The following VPS13B variants were observed in gnomAD, a reference collection of about 807,000 sequenced individuals.
The protein encoded by VPS13B is intermembrane lipid transfer protein VPS13B.
Under a neutral mutation model 426.4 loss-of-function variants are expected in VPS13B, and 285 were observed. The observed-to-expected ratio is 0.67, with a 90% CI of 0.61 to 0.74. VPS13B has a LOEUF of 0.74. Ranked by LOEUF, VPS13B falls within the 30% of genes least tolerant of loss-of-function variation. The pLI is 0.00. For missense variants in VPS13B, 4,537 were observed against 4,782.6 expected (o/e 0.95, Z 1.51); for synonymous variants, 1,676 against 1,676.4 (o/e 1.00, Z 0.01).
At chr8:99,362,284 G>T (rs571403315) in intron 19 of VPS13B, among the ~76,000 whole-genome samples, 1 of 151,890 alleles carries the variant, frequency 6.6e-6, no homozygotes, top group Non-Finnish European at 1.5e-5. Context: ...TGGGACTACA[G>T]GTGCCCGCCA....
At chr8:99,367,389 GTTTA>G (rs1812949261) in intron 19 of VPS13B, among the ~76,000 whole-genome samples, 2 of 152,150 alleles carry the variant, frequency 1.3e-5, no homozygotes, top group African/African-American at 4.8e-5. Context: ...TCCCTTGTAA[GTTTA>G]TTTGTTTCTT....
intron 19 of VPS13B, among the ~76,000 whole-genome samples, chr8:99,332,747 C>T (rs184730445): frequency 2.1e-4 from 32 of 151,538 alleles, no homozygotes; most frequent in African/African-American, 7.2e-4. Flanking sequence ...TCTGAATTTC[C>T]CATATGAATT....
intron 19 of VPS13B, among the ~76,000 whole-genome samples, chr8:99,351,464 A>G (rs914601540): frequency 2.3e-3 from 291 of 126,580 alleles, no homozygotes; most frequent in African/African-American, 8.2e-3. Flanking sequence ...GTGTGTGTGT[A>G]TGTATGTGTG....
At chr8:99,481,291 C>A (rs1188238240) in intron 24 of VPS13B, among the ~76,000 whole-genome samples, 1 of 152,102 alleles carries the variant, frequency 6.6e-6, no homozygotes, top group Non-Finnish European at 1.5e-5. Context: ...TTGATTCTGT[C>A]CTCTGGTTGA....
chr8:99,273,053 C>G (rs886935282), intron 17 of VPS13B, among the ~76,000 whole-genome samples: 1 of 152,052 alleles, frequency 6.6e-6, no homozygotes, highest in African/African-American at 2.4e-5. Flanking sequence ...ATTCAGGACA[C>G]TTCTGCTCCC....
Position 99,717,210 on chromosome 8 carries a change from A to G in VPS13B, c.6494A>G (p.Asp2165Gly). The change falls in exon 37 of 62, where the codon GAT becomes GGT. Residue 2165 changes from aspartate to glycine, a missense_variant. Physicochemically the swap from Asp to Gly is moderately conservative, Grantham distance 94. This residue lies in a region of VPS13B where 4,311 missense variants were observed against 4,474.3 expected (regional missense o/e 0.96). Coordinates refer to ENST00000357162, the MANE Select transcript of VPS13B (RefSeq NM_152564.5). ...TCATCATTTCTACTCAGTATAAACG[A>G]TTTTCTCCTTAAAACAAGTCTCAAA... ...LGSSFLLSINDFLLKTSLKER... is the reference protein window; with the variant it reads ...LGSSFLLSINGFLLKTSLKER... The G allele has an allele frequency of 6.2e-7, 1 of 1,613,770 alleles. No individual in the cohort carries two copies. The highest frequency in any genetic ancestry group is 8.5e-7 in the Non-Finnish European group (1 of 1,179,906).
intron 14 of VPS13B, among the ~76,000 whole-genome samples, chr8:99,148,681 A>G (rs1192124401): frequency 6.6e-6 from 1 of 152,152 alleles, no homozygotes; most frequent in Non-Finnish European, 1.5e-5. Context: ...TTAGCCAGTA[A>G]AACTGTCAGC....
chr8:99,841,804 T>C (rs1286309619), intron 54 of VPS13B, among the ~76,000 whole-genome samples: 6 of 152,262 alleles, frequency 3.9e-5, no homozygotes, highest in African/African-American at 1.4e-4. Context: ...AGGCCTTTGG[T>C]TCATCATCTC....
chr8:99,763,175 A>G (rs1811035843), intron 39 of VPS13B, among the ~76,000 whole-genome samples: 1 of 150,240 alleles, frequency 6.7e-6, no homozygotes, highest in African/African-American at 2.4e-5. Context: ...AGAAGAGAAA[A>G]ATTAATTTGC....
intron 35 of VPS13B, among the ~76,000 whole-genome samples, chr8:99,676,125 C>A (rs1373896984): frequency 6.6e-6 from 1 of 151,988 alleles, no homozygotes; most frequent in Non-Finnish European, 1.5e-5. Context: ...CTGTCTAGAA[C>A]TTTTTGGTCA....
chr8:99,733,573 T>C (rs570268809), intron 39 of VPS13B, among the ~76,000 whole-genome samples: 1 of 152,372 alleles, frequency 6.6e-6, no homozygotes, highest in East Asian at 1.9e-4. Flanking sequence ...CTGCAGGTGC[T>C]AATTTGCCTC....
chr8:99,140,387 AAAAGG>A (rs1333826208), intron 12 of VPS13B, among the ~76,000 whole-genome samples: 1 of 151,662 alleles, frequency 6.6e-6, no homozygotes, highest in African/African-American at 2.4e-5. Flanking sequence ...AAAAAAAAAA[AAAAGG>A]AAGTAAATAC....
rs1815324426 is a variant in VPS13B at position 99,835,236 on chromosome 8, T to G, written c.9654T>G (p.Thr3218=). Residue 3218 remains threonine, a synonymous_variant, in exon 53 of 62, where the codon ACT becomes ACG. Transcript: ENST00000357162. ...CATATCAAGAACACCTCGGAGTGAC[T>G]TATTTAACCCTCTCAGAAGACCCTA... ...VLTYQEHLGV[T]YLTLSEDPSP... is the part of the protein sequence containing the mutation. 3 of 1,613,928 alleles carry G rather than the reference T, an allele frequency of 1.9e-6. No individual in the cohort carries two copies. Among genetic ancestry groups the G allele is most frequent in the Non-Finnish European group, 2.5e-6 (3 of 1,179,982 alleles).
chr8:99,041,868 AACTT>A (rs1307396217), intron 3 of VPS13B, among the ~76,000 whole-genome samples: 3 of 151,578 alleles, frequency 2.0e-5, no homozygotes, highest in African/African-American at 7.3e-5. Flanking sequence ...AAAAAAAAAA[AACTT>A]CTTCAACCTA....
intron 19 of VPS13B, among the ~76,000 whole-genome samples, chr8:99,352,557 G>A (rs1352848356): frequency 6.6e-6 from 1 of 152,178 alleles, no homozygotes; most frequent in Admixed American, 6.5e-5. Flanking sequence ...TACCTGGCTG[G>A]GCGCAGTGGC....
intron 39 of VPS13B, among the ~76,000 whole-genome samples, chr8:99,729,074 G>A (rs1833482328): frequency 1.3e-5 from 2 of 151,930 alleles, no homozygotes; most frequent in Non-Finnish European, 2.9e-5. Flanking sequence ...ATCCACATTC[G>A]TAATTTACCA....
chr8:99,142,945 C>A, intron 12 of VPS13B, 29 bp from the exon 13 acceptor site: 23 of 1,592,434 alleles, frequency 1.4e-5, no homozygotes, highest in Non-Finnish European at 1.7e-5. Context: ...CCAATTGATG[C>A]TTAAAATATA....
rs999541890 is a variant in VPS13B at position 99,020,799 on chromosome 8, T to G, written c.147+6864T>G. 3.3e-5 allele frequency among the ~76,000 whole-genome samples: 5 copies of G among 152,216 alleles called. No individual in the cohort carries two copies. The East Asian group carries it at 9.6e-4, about 29-fold the overall frequency. ...CTCTCAATCCTATTCCATTGAGTAA[T>G]ATGTCTGCCTTTATGATACTATCAC... On this transcript the variant is annotated intron_variant, in intron 2 of 61. Coordinates refer to ENST00000357162, the MANE Select transcript of VPS13B (RefSeq NM_152564.5).
chr8:99,449,572 G>A (rs1185050836), intron 23 of VPS13B, among the ~76,000 whole-genome samples: 2 of 152,134 alleles, frequency 1.3e-5, no homozygotes, highest in African/African-American at 2.4e-5. Context: ...GTAATGTTAT[G>A]GGATGAGAAA....
Sources: gnomAD v4.1 joint callset for allele counts (sites outside exome capture counted in the v4.1 genomes callset) on GRCh38, gnomAD v4.1.1 for gene constraint, gnomAD v4.1.1 regional missense constraint, MANE v1.5 for transcripts, NCBI Gene and HGNC (gene_info 2026-07-23, HGNC 2026-07-21) for gene names.